DNAH14: variants seen among roughly 807,000 people sequenced by gnomAD.
The protein encoded by DNAH14 is dynein axonemal heavy chain 14, also known as axonemal beta dynein heavy chain 14.
In DNAH14, 478 loss-of-function variants were observed where a neutral mutation model predicts 520.9. The ratio of observed to expected loss-of-function variants is 0.92; its 90% CI spans 0.85 to 0.99. The LOEUF is 0.99. Ranked by LOEUF, DNAH14 falls within the 50% of genes least tolerant of loss-of-function variation. The pLI is 0.00. For synonymous variants in DNAH14, 1,581 were observed against 1,757.2 expected, an observed-to-expected ratio of 0.90 and a Z score of 2.51; for missense variants, 4,831 against 5,234.5, an observed-to-expected ratio of 0.92 and a Z score of 2.38.
chr1:225,252,851 A>G (rs951850075), intron 44 of DNAH14, among the ~76,000 whole-genome samples: 1 of 152,194 alleles, frequency 6.6e-6, no homozygotes, highest in Admixed American at 6.5e-5. Flanking sequence ...CATATATGCT[A>G]AATTGTTTTT....
chr1:225,290,643 G>GTATATA (rs1334178874), intron 55 of DNAH14, among the ~76,000 whole-genome samples: 12 of 51,140 alleles, frequency 2.3e-4, no homozygotes, highest in South Asian at 8.3e-4. Context: ...GTGTGTGTGT[G>GTATATA]TGTGTATATA....
intron 79 of DNAH14, among the ~76,000 whole-genome samples, chr1:225,379,286 T>TA (rs1188927854): frequency 7.9e-5 from 12 of 152,182 alleles, no homozygotes; most frequent in South Asian, 2.1e-4. Flanking sequence ...AAAGAAATCC[T>TA]AAAAAAGCTT....
In DNAH14 at chr1:225,324,004, C is replaced by A. The variant is rs140400878; in HGVS notation, c.9496-218C>A. Reference sequence around the variant, plus strand: ...CTAATTTTTGTATTTTTAGTAGAGACAGGATTTCACCATGTTGGCTAGGCT... The same window carrying A: ...CTAATTTTTGTATTTTTAGTAGAGAAAGGATTTCACCATGTTGGCTAGGCT... On this transcript the variant is annotated intron_variant, in intron 62 of 85. Transcript: ENST00000682510. 2.9e-3 allele frequency among the ~76,000 whole-genome samples: 444 copies of A among 152,088 alleles called. 6 individuals carry two copies. Among genetic ancestry groups the A allele is most frequent in the East Asian group, 0.024 (122 of 5,182 alleles).
intron 55 of DNAH14, among the ~76,000 whole-genome samples, chr1:225,298,733 C>A (rs1008321624): frequency 6.6e-6 from 1 of 152,156 alleles, no homozygotes; most frequent in African/African-American, 2.4e-5. Flanking sequence ...GTGGGAAGTA[C>A]ACACCTTGTT....
intron 35 of DNAH14, among the ~76,000 whole-genome samples, chr1:225,164,844 T>C (rs1018339000): frequency 2.0e-5 from 3 of 152,208 alleles, no homozygotes; most frequent in Admixed American, 6.5e-5. Flanking sequence ...CTGGTTGTTA[T>C]AGAAATGTTT....
At chr1:225,218,706 T>C (rs995179112) in intron 41 of DNAH14, among the ~76,000 whole-genome samples, 6 of 152,122 alleles carry the variant, frequency 3.9e-5, no homozygotes, top group African/African-American at 1.2e-4. Flanking sequence ...TCCCACACAA[T>C]AATAATGGGA....
intron 23 of DNAH14, among the ~76,000 whole-genome samples, chr1:225,104,214 C>T (rs531967577): frequency 6.6e-6 from 1 of 152,282 alleles, no homozygotes; most frequent in East Asian, 1.9e-4. Context: ...TTAAACCAGC[C>T]TTGAATCCCA....
intron 1 of DNAH14, among the ~76,000 whole-genome samples, chr1:224,942,871 A>ATAAGCTTTTTGATG (rs1448972404): frequency 6.6e-6 from 1 of 152,134 alleles, no homozygotes; most frequent in Non-Finnish European, 1.5e-5. Flanking sequence ...ATCATGGTGG[A>ATAAGCTTTTTGATG]TAAGCTTTTT....
chr1:225,383,107 T>A (rs1003411503), intron 81 of DNAH14, among the ~76,000 whole-genome samples: 21 of 152,184 alleles, frequency 1.4e-4, no homozygotes, highest in Non-Finnish European at 1.3e-4. Flanking sequence ...CGTTCTACAA[T>A]TGACTACAGT....
intron 4 of DNAH14, 135 bp downstream of exon 4, chr1:224,960,437 G>A: frequency 4.1e-6 from 4 of 971,166 alleles, no homozygotes; most frequent in South Asian, 3.0e-5. Context: ...GGTTGCTTAA[G>A]GATTATTACA....
At chr1:224,952,370 C>G (rs531824711) in intron 1 of DNAH14, among the ~76,000 whole-genome samples, 1 of 152,262 alleles carries the variant, frequency 6.6e-6, no homozygotes, top group South Asian at 2.1e-4. Flanking sequence ...TAAAACTTAT[C>G]ATTATCTTTA....
chr1:225,292,479 C>A lies in DNAH14; in HGVS notation c.8469+2397C>A, dbSNP rs538286810. Among the ~76,000 whole-genome samples, 375 of 152,158 alleles carry A rather than the reference C, an allele frequency of 2.5e-3. 3 individuals are homozygous for A. Among genetic ancestry groups the A allele is most frequent in the African/African-American group, 8.0e-3 (331 of 41,524 alleles). The stretch of plus-strand genomic sequence containing the variant: ...CTATGTGTCTGTTTTTGTTCCCATA[C>A]CATGCTGTTTTGGTTACTATAGCTT... On this transcript the variant is annotated intron_variant, in intron 55 of 85. Transcript: ENST00000682510.
At position 225,360,696 on chromosome 1, in the gene DNAH14, A is replaced by G; in HGVS notation, c.11792A>G (p.Asn3931Ser). The G allele has an allele frequency of 1.3e-6, 2 of 1,551,712 alleles. No individual in the cohort carries two copies. The highest frequency in any genetic ancestry group is 8.7e-7 in the Non-Finnish European group (1 of 1,146,974). Residue 3931 changes from asparagine to serine, a missense_variant, in exon 75 of 86, where the codon AAT becomes AGT. Physicochemically the swap from Asn to Ser is conservative, Grantham distance 46 (BLOSUM62 1). Transcript: ENST00000682510. ...LIQTHGIDLT[N>S]ILLRFAQELK... Reference sequence around the variant, plus strand: ...TGTTATACAGGGATCGACCTTACCAATATCCTCCTGAGATTTGCACAAGAG... The same window carrying G: ...TGTTATACAGGGATCGACCTTACCAGTATCCTCCTGAGATTTGCACAAGAG...
At chr1:224,943,603 A>T (rs1253205856) in intron 1 of DNAH14, among the ~76,000 whole-genome samples, 1 of 151,824 alleles carries the variant, frequency 6.6e-6, no homozygotes, top group Non-Finnish European at 1.5e-5. Context: ...TCAATTTTAG[A>T]TCCTTCCTGC....
chr1:225,017,610 T>G (rs2065318192), intron 10 of DNAH14, among the ~76,000 whole-genome samples: 1 of 152,208 alleles, frequency 6.6e-6, no homozygotes, highest in Non-Finnish European at 1.5e-5. Flanking sequence ...CACTAAGGAC[T>G]CCACCACTGC....
At chr1:225,322,085 CTTTTTTTT>C (rs3047035) in intron 61 of DNAH14, among the ~76,000 whole-genome samples, 2 of 90,170 alleles carry the variant, frequency 2.2e-5, no homozygotes, top group African/African-American at 4.2e-5. Flanking sequence ...TTTTTTCTTT[CTTTTTTTT>C]TTTTTTTTTT....
intron 31 of DNAH14, among the ~76,000 whole-genome samples, chr1:225,151,571 C>T (rs1284055149): frequency 6.6e-6 from 1 of 152,182 alleles, no homozygotes; most frequent in Non-Finnish European, 1.5e-5. Flanking sequence ...TCATAGTGGT[C>T]CCAAAGTTTT....
chr1:225,008,575 CTTTTT>C lies in DNAH14; in HGVS notation c.1107+1050_1107+1054del, dbSNP rs57331050. On this transcript the variant is annotated intron_variant, in intron 10 of 85. Coordinates refer to ENST00000682510, the MANE Select transcript of DNAH14 (RefSeq NM_001367479.1). Reference sequence around the variant, plus strand: ...CTCTATAGCATCTGTTTTTTCCTGACTTTTTTTTTTTTTTTTTTTTTTTGTATTTT... The same window carrying C: ...CTCTATAGCATCTGTTTTTTCCTGACTTTTTTTTTTTTTTTTTTGTATTTT... Among the ~76,000 whole-genome samples, 610 of 98,322 alleles carry C rather than the reference CTTTTT, an allele frequency of 6.2e-3. 1 individual carries two copies. The highest frequency in any genetic ancestry group is 0.023 in the African/African-American group (554 of 24,084). The allele number at this position is 98,322 out of a possible 152,430, so 64.5% of individuals were successfully genotyped here.
At chr1:225,027,179 T>G (rs890945324) in intron 11 of DNAH14, among the ~76,000 whole-genome samples, 8 of 152,178 alleles carry the variant, frequency 5.3e-5, no homozygotes, top group African/African-American at 1.9e-4. Flanking sequence ...ATTTTCTTTA[T>G]GCAAAATCAT....
Sources: allele counts gnomAD v4.1 joint callset (sites outside exome capture counted in the v4.1 genomes callset), GRCh38; gene constraint gnomAD v4.1.1; transcripts MANE v1.5; gene names NCBI Gene and HGNC (gene_info 2026-07-23, HGNC 2026-07-21).